The following SLC35F4 variants were observed in gnomAD, a reference collection of about 807,000 sequenced individuals.
SLC35F4 encodes solute carrier family 35 member F4.
SLC35F4 carries 24 observed loss-of-function variants against 44.2 expected under a neutral mutation model. The ratio of observed to expected loss-of-function variants is 0.54; its 90% confidence interval spans 0.39 to 0.76. The LOEUF (loss-of-function observed/expected upper bound fraction) is 0.76, where lower values mean the gene tolerates loss of function less well. SLC35F4 is among the 30% of genes least tolerant of loss of function. The probability of loss-of-function intolerance (pLI) is 0.00; values close to 1 mark genes in which losing one functional copy is unlikely to be tolerated. For synonymous variants in SLC35F4, 238 were observed against 223.6 expected, an observed-to-expected ratio of 1.06 and a Z score of -0.57; for missense variants, 562 against 586.1, an observed-to-expected ratio of 0.96 and a Z score of 0.42.
rs537547775 is a variant in SLC35F4, at chr14:57,919,721, G to A, written n.282+62192C>T. ...CCAAGCCATGAAATAACAGACAGCCGGGATGTGCAGAGAAGGCCAATGGGA... is the reference window on the plus strand; with the variant it reads ...CCAAGCCATGAAATAACAGACAGCCAGGATGTGCAGAGAAGGCCAATGGGA... On this transcript the variant is annotated intron_variant and non_coding_transcript_variant, in intron 1 of 1. Transcript: ENST00000556568. Among the ~76,000 whole-genome samples the A allele has an allele frequency of 5.3e-5, 8 of 152,224 alleles. No homozygotes were observed. The East Asian group carries it at 1.2e-3, about 22-fold the overall frequency.
At chr14:57,953,793 T>C (rs1890186143) in intron 1 of SLC35F4, among the ~76,000 whole-genome samples, 3 of 152,184 alleles carry the variant, frequency 2.0e-5, no homozygotes, top group African/African-American at 4.8e-5. Context: ...CTTAGAGACC[T>C]ACAAAGACAC....
At chr14:57,640,501 C>T (rs116003275) in intron 1 of SLC35F4, among the ~76,000 whole-genome samples, 1 of 151,966 alleles carries the variant, frequency 6.6e-6, no homozygotes, top group African/African-American at 2.4e-5. Context: ...TATTTTGGTA[C>T]AAGTCTCCTA....
chr14:57,919,159 CTAAG>C (rs1376099784), intron 1 of SLC35F4, among the ~76,000 whole-genome samples: 4 of 152,126 alleles, frequency 2.6e-5, no homozygotes, highest in African/African-American at 7.2e-5. Context: ...CTGAATTACC[CTAAG>C]TAAGACAACT....
intron 1 of SLC35F4, among the ~76,000 whole-genome samples, chr14:57,719,432 T>C (rs763459102): frequency 2.0e-5 from 3 of 152,222 alleles, no homozygotes; most frequent in Non-Finnish European, 4.4e-5. Flanking sequence ...TTTAACAATA[T>C]TGATTCTTTC....
At chr14:57,741,588 T>A (rs914075077) in intron 1 of SLC35F4, among the ~76,000 whole-genome samples, 1 of 152,042 alleles carries the variant, frequency 6.6e-6, no homozygotes, top group African/African-American at 2.4e-5. Flanking sequence ...TGAGACTATG[T>A]AAAAAGACAA....
intron 1 of SLC35F4, among the ~76,000 whole-genome samples, chr14:57,739,652 G>A (rs1167792033): frequency 1.3e-5 from 2 of 152,170 alleles, no homozygotes; most frequent in Non-Finnish European, 2.9e-5. Context: ...CCTTCTTGAG[G>A]AGTGAGATTT....
intron 1 of SLC35F4, among the ~76,000 whole-genome samples, chr14:57,790,194 A>T (rs1056534203): frequency 6.6e-6 from 1 of 152,208 alleles, no homozygotes; most frequent in Non-Finnish European, 1.5e-5. Context: ...GAAGAGAGGA[A>T]GTCAAATTAT....
intron 1 of SLC35F4, among the ~76,000 whole-genome samples, chr14:57,628,362 A>G (rs2072581021): frequency 7.1e-6 from 1 of 140,846 alleles, no homozygotes; most frequent in African/African-American, 2.7e-5. Context: ...GGTTTGTTAC[A>G]TAGCTATACA....
intron 1 of SLC35F4, among the ~76,000 whole-genome samples, chr14:57,930,262 C>G (rs993643972): frequency 2.6e-5 from 4 of 152,214 alleles, no homozygotes; most frequent in African/African-American, 9.6e-5. Flanking sequence ...CAGTTTCATA[C>G]AGATTAACGT....
intron 7 of SLC35F4, 64 bp from the exon 8 acceptor site, chr14:57,564,440 C>A: frequency 1.3e-6 from 2 of 1,539,430 alleles, no homozygotes; most frequent in Non-Finnish European, 1.8e-6. Context: ...AAACAAGTCA[C>A]CAAAGTCCAT....
At chr14:57,787,682 T>C (rs1373658712) in intron 1 of SLC35F4, among the ~76,000 whole-genome samples, 1 of 152,156 alleles carries the variant, frequency 6.6e-6, no homozygotes, top group African/African-American at 2.4e-5. Flanking sequence ...GAAGGAAAGA[T>C]AGTCTTTTCC....
intron 1 of SLC35F4, among the ~76,000 whole-genome samples, chr14:57,632,752 G>A (rs1321750286): frequency 2.0e-5 from 3 of 152,050 alleles, no homozygotes; most frequent in Non-Finnish European, 4.4e-5. Flanking sequence ...CTGGAGTGCA[G>A]TGGTGGGATC....
At chr14:57,946,830 T>C (rs573075633) in intron 1 of SLC35F4, among the ~76,000 whole-genome samples, 2 of 152,278 alleles carry the variant, frequency 1.3e-5, no homozygotes, top group African/African-American at 4.8e-5. Flanking sequence ...ATATGCCTAT[T>C]TTTATACCAG....
intron 1 of SLC35F4, among the ~76,000 whole-genome samples, chr14:57,672,777 T>C (rs2074559631): frequency 3.9e-5 from 1 of 25,394 alleles, no homozygotes; most frequent in Admixed American, 3.3e-4. Flanking sequence ...AGGTAAATTT[T>C]ATTTTATTTT....
intron 1 of SLC35F4, among the ~76,000 whole-genome samples, chr14:57,860,074 G>C (rs917672476): frequency 5.3e-5 from 8 of 152,164 alleles, no homozygotes; most frequent in African/African-American, 1.7e-4. Context: ...CTCACTCAGG[G>C]AAGGCAGAAA....
At position 57,589,422 on chromosome 14, in the gene SLC35F4, C is replaced by T. The variant is rs1261291052; in HGVS notation, c.381G>A (p.Lys127=). Residue 127 remains lysine, a synonymous_variant, in exon 3 of 8, where the codon AAG becomes AAA. Transcript: ENST00000556826. ...RCLSCTSMVL[K]GIWGLLIILS... is the part of the protein sequence containing the mutation. ...AGATGATCAAGAGTCCCCAGATGCC[C>T]TTCAGAACCATGGACGTGCAGGACA... 1 of 1,613,852 alleles carries T rather than the reference C, an allele frequency of 6.2e-7. No homozygotes were observed. The highest frequency in any genetic ancestry group is 8.5e-7 in the Non-Finnish European group (1 of 1,179,892).
At chr14:57,681,156 C>T (rs1038906594) in intron 1 of SLC35F4, among the ~76,000 whole-genome samples, 1 of 152,072 alleles carries the variant, frequency 6.6e-6, no homozygotes, top group Non-Finnish European at 1.5e-5. Flanking sequence ...ACAGCATGGT[C>T]CTGGTACCAA....
At chr14:57,597,009 C>T (rs1000882285) in intron 1 of SLC35F4, 17 of 613,658 alleles carry the variant, frequency 2.8e-5, no homozygotes, top group Non-Finnish European at 3.9e-5. Flanking sequence ...ATCCTGGAAG[C>T]GAAAACATTG....
Position 57,889,220 on chromosome 14 carries a change from T to C in SLC35F4, n.282+92693A>G, listed in dbSNP as rs530510383. On this transcript the variant is annotated intron_variant and non_coding_transcript_variant, in intron 1 of 1. Coordinates refer to the SLC35F4 transcript ENST00000556568. ...TCTCAGAAACTGTAGTTAATGTGGGTAACCAGGAAGGATCACTAACACTGC... is the reference window on the plus strand; with the variant it reads ...TCTCAGAAACTGTAGTTAATGTGGGCAACCAGGAAGGATCACTAACACTGC... Among the ~76,000 whole-genome samples, 2 of 152,340 alleles carry C rather than the reference T, an allele frequency of 1.3e-5. 1 individual carries two copies. Among genetic ancestry groups the C allele is most frequent in the South Asian group, 4.1e-4 (2 of 4,828 alleles).
Sources: allele counts gnomAD v4.1 joint callset (sites outside exome capture counted in the v4.1 genomes callset), GRCh38; gene constraint gnomAD v4.1.1; transcripts MANE v1.5; gene names NCBI Gene and HGNC (gene_info 2026-07-23, HGNC 2026-07-21).